ASCC3: variants seen among roughly 807,000 people sequenced by gnomAD.
ASCC3 encodes ASC-1 complex subunit P200.
Under a neutral mutation model 256.3 loss-of-function variants are expected in ASCC3, and 158 were observed. The ratio of observed to expected loss-of-function variants is 0.62; its 90% confidence interval spans 0.54 to 0.70. The LOEUF (loss-of-function observed/expected upper bound fraction) is 0.70, where lower values mean the gene tolerates loss of function less well. Among genes scored for constraint, ASCC3 ranks in the 30% least tolerant of loss-of-function variants. The probability of loss-of-function intolerance (pLI) is 0.00; values close to 1 mark genes in which losing one functional copy is unlikely to be tolerated. For synonymous variants in ASCC3, 948 were observed against 883.4 expected, an observed-to-expected ratio of 1.07 and a Z score of -1.30; for missense variants, 2,259 against 2,626.0, an observed-to-expected ratio of 0.86 and a Z score of 3.05.
At chr6:100,681,743 A>G (rs1025878225) in intron 13 of ASCC3, among the ~76,000 whole-genome samples, 11 of 150,930 alleles carry the variant, frequency 7.3e-5, no homozygotes, top group Admixed American at 1.3e-4. Context: ...AAAAAAAAAA[A>G]AAAAGAAAAG....
chr6:100,577,650 G>A (rs888532352), intron 36 of ASCC3, among the ~76,000 whole-genome samples: 1 of 152,074 alleles, frequency 6.6e-6, no homozygotes, highest in Non-Finnish European at 1.5e-5. Flanking sequence ...GATGACTTCC[G>A]TCAGCAGCAA....
chr6:100,555,459 G>T (rs956447449), intron 36 of ASCC3, among the ~76,000 whole-genome samples: 14 of 152,088 alleles, frequency 9.2e-5, no homozygotes, highest in Non-Finnish European at 1.2e-4. Context: ...AAGAAGAAAT[G>T]ATACTTCATT....
chr6:100,534,771 C>T (rs1775082746), intron 37 of ASCC3, among the ~76,000 whole-genome samples: 1 of 152,108 alleles, frequency 6.6e-6, no homozygotes, highest in African/African-American at 2.4e-5. Flanking sequence ...ATAGGAGAAG[C>T]AAAGGCAGGC....
At chr6:100,844,047 C>T (rs186381677) in intron 4 of ASCC3, among the ~76,000 whole-genome samples, 28 of 150,766 alleles carry the variant, frequency 1.9e-4, no homozygotes, top group African/African-American at 6.6e-4. Context: ...TAGTAATTTG[C>T]CCATAGTCGA....
intron 17 of ASCC3, among the ~76,000 whole-genome samples, chr6:100,653,844 A>C (rs954928555): frequency 6.6e-6 from 1 of 152,106 alleles, no homozygotes; most frequent in Non-Finnish European, 1.5e-5. Context: ...TTGTGTATAA[A>C]TATATGTATG....
Position 100,725,721 on chromosome 6 carries a change from T to C in ASCC3, c.1738-18A>G, listed in dbSNP as rs1779586923. 1 of 1,611,528 alleles carries C rather than the reference T, an allele frequency of 6.2e-7. No homozygotes were observed. The highest frequency in any genetic ancestry group is 8.5e-7 in the Non-Finnish European group (1 of 1,178,386). On this transcript the variant is annotated intron_variant, in intron 10 of 41. Coordinates refer to ENST00000369162, the MANE Select transcript of ASCC3 (RefSeq NM_006828.4). ...ACAAGCATCTATAAGAGAAGACACA[T>C]TTTAAAAGGGGAAAGTTACATAGGT...
chr6:100,543,230 A>G (rs2114669259), intron 36 of ASCC3, among the ~76,000 whole-genome samples: 1 of 54,068 alleles, frequency 1.8e-5, no homozygotes, highest in East Asian at 3.6e-4. Context: ...ATACAACGTA[A>G]ATGCTATGTA....
intron 2 of ASCC3, among the ~76,000 whole-genome samples, chr6:100,866,526 T>A (rs1194519517): frequency 6.6e-6 from 1 of 152,232 alleles, no homozygotes; most frequent in Non-Finnish European, 1.5e-5. Context: ...CATATGTGGA[T>A]TCCCTAACCT....
At chr6:100,722,892 C>G (rs894162848) in intron 11 of ASCC3, among the ~76,000 whole-genome samples, 1 of 151,592 alleles carries the variant, frequency 6.6e-6, no homozygotes, top group African/African-American at 2.4e-5. Context: ...CATAAATATA[C>G]TATAATTCAT....
chr6:100,510,275 TA>T (rs1773698262), intron 40 of ASCC3, 168 bp from the exon 41 acceptor site: 1 of 683,904 alleles, frequency 1.5e-6, no homozygotes, highest in African/African-American at 1.8e-5. Context: ...GTGTCTTTGA[TA>T]TGCAATTATT....
At chr6:100,831,203 G>A (rs1771600602) in intron 4 of ASCC3, among the ~76,000 whole-genome samples, 1 of 151,432 alleles carries the variant, frequency 6.6e-6, no homozygotes, top group Non-Finnish European at 1.5e-5. Flanking sequence ...AAATTATCTT[G>A]AAAAACCCTT....
In ASCC3 at chr6:100,644,014, C is replaced by T. The variant is rs769993640; in HGVS notation, c.3732+17G>A. 1 of 1,503,584 alleles carries T rather than the reference C, an allele frequency of 6.7e-7. No individual in the cohort carries two copies. Among genetic ancestry groups the T allele is most frequent in the Non-Finnish European group, 9.2e-7 (1 of 1,081,900 alleles). The allele number at this position is 1,503,584 out of a possible 1,614,324, so 93.1% of individuals were successfully genotyped here. A position where few individuals can be genotyped will look rare whatever the true frequency, so the allele number is the denominator to read the frequency against. Reference sequence around the variant, plus strand: ...TTACAATAGCAAATAAGGATATATTCACATATATACACTTACTTGTTTTTT... The same window carrying T: ...TTACAATAGCAAATAAGGATATATTTACATATATACACTTACTTGTTTTTT... On this transcript the variant is annotated intron_variant, in intron 23 of 41. Transcript: ENST00000369162.
intron 8 of ASCC3, among the ~76,000 whole-genome samples, chr6:100,793,968 A>G (rs1290556809): frequency 6.6e-6 from 1 of 152,040 alleles, no homozygotes; most frequent in Admixed American, 6.6e-5. Context: ...AAAAGCCTAT[A>G]TCTCATTCTA....
chr6:100,601,863 T>C lies in ASCC3; in HGVS notation c.5250A>G (p.Ala1750=), dbSNP rs759461459. The change falls in exon 34 of 42, where the codon GCA becomes GCG. Residue 1750 remains alanine (A), a synonymous_variant. Coordinates refer to ENST00000369162, the MANE Select transcript of ASCC3 (RefSeq NM_006828.4). ...AGTAAGTCCAGGTGATATAATCCAA[T>C]GCATCTTGCTTAGATGTAATTGTAC... is the stretch of plus-strand genomic sequence containing the variant. ...AGGTITSKQD[A]LDYITWTYFF... is the part of the protein sequence containing the mutation. 1.9e-6 allele frequency: 3 copies of C among 1,612,762 alleles called. No homozygotes were observed. The highest frequency in any genetic ancestry group is 1.1e-5 in the South Asian group (1 of 91,048).
intron 26 of ASCC3, among the ~76,000 whole-genome samples, chr6:100,630,671 T>C (rs1254305094): frequency 6.6e-6 from 1 of 152,044 alleles, no homozygotes; most frequent in Non-Finnish European, 1.5e-5. Context: ...TGAATAACCT[T>C]GTAGTATATT....
At chr6:100,808,821 A>G (rs989058547) in intron 4 of ASCC3, among the ~76,000 whole-genome samples, 11 of 151,944 alleles carry the variant, frequency 7.2e-5, no homozygotes, top group Admixed American at 6.6e-5. Context: ...ATGAGGCAGT[A>G]TACTACACAG....
intron 13 of ASCC3, among the ~76,000 whole-genome samples, chr6:100,681,598 G>A (rs1231628617): frequency 6.6e-6 from 1 of 151,398 alleles, no homozygotes. Flanking sequence ...GTGGTGGTGC[G>A]TGCCTGTAAT....
In ASCC3 at chr6:100,601,878, T is replaced by G. The variant is rs761957736; in HGVS notation, c.5235A>C (p.Thr1745=). The change falls in exon 34 of 42, where the codon ACA becomes ACC. Residue 1745 remains threonine, a synonymous_variant. Coordinates refer to ENST00000369162, the MANE Select transcript of ASCC3 (RefSeq NM_006828.4). ...TATAATCCAATGCATCTTGCTTAGA[T>G]GTAATTGTACCACCAGCAATCTCTG... ...LNAEIAGGTI[T]SKQDALDYIT... is the part of the protein sequence containing the mutation. 6.8e-6 allele frequency: 11 copies of G among 1,612,690 alleles called. No homozygotes were observed. In the Admixed American group the frequency reaches 1.8e-4, roughly 27 times the overall value.
intron 10 of ASCC3, among the ~76,000 whole-genome samples, chr6:100,749,723 T>C (rs1780850136): frequency 1.3e-5 from 2 of 151,916 alleles, no homozygotes. Context: ...TGTCTATGTA[T>C]TCAACCAAGG....
Sources: allele counts gnomAD v4.1 joint callset (sites outside exome capture counted in the v4.1 genomes callset), GRCh38; gene constraint gnomAD v4.1.1; transcripts MANE v1.5; gene names NCBI Gene and HGNC (gene_info 2026-07-23, HGNC 2026-07-21).